SNTA1: variants seen among roughly 807,000 people sequenced by gnomAD.
SNTA1 encodes the protein alpha-1-syntrophin.
A neutral mutation model predicts 47.1 loss-of-function variants in SNTA1; 31 were observed. The observed-to-expected ratio is 0.66, with a 90% CI of 0.49 to 0.89. SNTA1 has a LOEUF of 0.89. Ranked by LOEUF, SNTA1 falls within the 40% of genes least tolerant of loss-of-function variation. The pLI, the probability that SNTA1 is intolerant of heterozygous loss-of-function variation, is 0.00. For synonymous variants in SNTA1, 300 were observed against 313.6 expected (o/e 0.96, Z 0.46); for missense variants, 575 against 693.0 (o/e 0.83, Z 1.91).
Position 33,420,972 on chromosome 20 carries a change from A to T in SNTA1, c.497-3049T>A, listed in dbSNP as rs1222792747. Among the ~76,000 whole-genome samples the T allele has an allele frequency of 4.6e-5, 7 of 151,382 alleles. No homozygotes were observed. In the East Asian group the frequency reaches 1.4e-3, roughly 29 times the overall value. On this transcript the variant is annotated intron_variant, in intron 2 of 7. Coordinates refer to ENST00000217381, the MANE Select transcript of SNTA1 (RefSeq NM_003098.3). The stretch of plus-strand genomic sequence containing the variant: ...GCACTCCAGCCTGAGGGACAGAGCA[A>T]GACCCCGTCTCAAAAAAAAAAAAGA...
chr20:33,439,541 G>A (rs966746814), intron 1 of SNTA1, among the ~76,000 whole-genome samples: 2 of 152,184 alleles, frequency 1.3e-5, no homozygotes, highest in African/African-American at 2.4e-5. Context: ...TAATGCTATA[G>A]TTTGATCCCT....
At position 33,412,354 on chromosome 20, in the gene SNTA1, G is replaced by A; in HGVS notation, c.982C>T (p.Pro328Ser). ...CGGCTCAGGGCCTCGCGGGTCTCGGGGAGAGACAAGTAGAGGAGCAGTTCC... is the reference window on the plus strand; with the variant it reads ...CGGCTCAGGGCCTCGCGGGTCTCGGAGAGAGACAAGTAGAGGAGCAGTTCC... Reference protein sequence around the residue: ...EKELLLYLSLPETREALSRPA... With the variant: ...EKELLLYLSLSETREALSRPA... The change falls in exon 5 of 8, where the codon CCC becomes TCC. Residue 328 changes from proline to serine, a missense_variant. Pro to Ser is a moderately conservative substitution (Grantham distance 74). Coordinates refer to ENST00000217381, the MANE Select transcript of SNTA1 (RefSeq NM_003098.3). 1 of 1,611,902 alleles carries A rather than the reference G, an allele frequency of 6.2e-7. No homozygotes were observed. Among genetic ancestry groups the A allele is most frequent in the Non-Finnish European group, 8.5e-7 (1 of 1,179,426 alleles).
intron 2 of SNTA1, among the ~76,000 whole-genome samples, chr20:33,422,427 A>G (rs918671034): frequency 1.4e-5 from 2 of 146,214 alleles, no homozygotes; most frequent in African/African-American, 5.2e-5. Flanking sequence ...CGACAGAGCA[A>G]GACTCTGTCT....
At chr20:33,422,298 G>C (rs1990050455) in intron 2 of SNTA1, among the ~76,000 whole-genome samples, 1 of 151,968 alleles carries the variant, frequency 6.6e-6, no homozygotes, top group Non-Finnish European at 1.5e-5. Context: ...AATTAGCCGG[G>C]CATGGTGGCG....
chr20:33,430,275 T>C (rs1990269368), intron 2 of SNTA1, among the ~76,000 whole-genome samples: 1 of 151,448 alleles, frequency 6.6e-6, no homozygotes, highest in Admixed American at 6.6e-5. Context: ...TGTTCATTTT[T>C]ATTACTTTTT....
At chr20:33,424,402 A>C (rs1381205891) in intron 2 of SNTA1, among the ~76,000 whole-genome samples, 1 of 151,686 alleles carries the variant, frequency 6.6e-6, no homozygotes, top group Non-Finnish European at 1.5e-5. Flanking sequence ...GGCCAGGCAC[A>C]GTGGCTCACA....
rs181474528 is a variant in SNTA1, at chr20:33,428,372, G to A, written c.497-10449C>T. ...TGCAGTGAGCAATGATTATGCCACT[G>A]CACTCCAACCTGGGCAACAGAGTGA... On this transcript the variant is annotated intron_variant, in intron 2 of 7. Coordinates refer to ENST00000217381, the MANE Select transcript of SNTA1 (RefSeq NM_003098.3). 5.9e-5 allele frequency among the ~76,000 whole-genome samples: 9 copies of A among 152,012 alleles called. No homozygotes were observed. The East Asian group carries it at 1.7e-3, about 29-fold the overall frequency.
rs766925398 is a variant in SNTA1, at chr20:33,443,334, C to G, written c.287G>C (p.Gly96Ala). ...ACCTTTGATGCTGATGCCCAGCCCA[C>G]CGGCGTCGGCCTTGCGCACCGTCAC... ...RRVTVRKADA[G>A]GLGISIKGGR... Residue 96 changes from glycine (G) to alanine (A), a missense_variant, in exon 1 of 8, where the codon GGT becomes GCT. Gly to Ala is a moderately conservative substitution (Grantham distance 60, BLOSUM62 0). Coordinates refer to ENST00000217381, the MANE Select transcript of SNTA1 (RefSeq NM_003098.3). 2.1e-4 allele frequency: 312 copies of G among 1,498,186 alleles called. No individual in the cohort carries two copies. Among genetic ancestry groups the G allele is most frequent in the Non-Finnish European group, 2.6e-4 (296 of 1,130,448 alleles). 92.8% of individuals were successfully genotyped at this position (1,498,186 alleles called of 1,614,324 possible). A position where few individuals can be genotyped will look rare whatever the true frequency, so the allele number is the denominator to read the frequency against.
intron 2 of SNTA1, among the ~76,000 whole-genome samples, chr20:33,424,751 C>G (rs1990122087): frequency 6.6e-6 from 1 of 151,302 alleles, no homozygotes; most frequent in African/African-American, 2.4e-5. Context: ...TGGGCTCAAG[C>G]AACCCACCCA....
At chr20:33,414,387 G>A (rs1388354476) in intron 3 of SNTA1, among the ~76,000 whole-genome samples, 1 of 151,862 alleles carries the variant, frequency 6.6e-6, no homozygotes, top group Non-Finnish European at 1.5e-5. Context: ...GAGGCCAGGA[G>A]TTCAAAACCA....
chr20:33,434,486 T>A (rs1990385758), intron 2 of SNTA1, among the ~76,000 whole-genome samples: 3 of 152,064 alleles, frequency 2.0e-5, no homozygotes. Flanking sequence ...ATAGGCAGGG[T>A]TCACCAAGGA....
In SNTA1 at chr20:33,408,702, A is replaced by G; in HGVS notation, c.1424T>C (p.Ile475Thr). 3.7e-6 allele frequency: 6 copies of G among 1,613,900 alleles called. No individual in the cohort carries two copies. The highest frequency in any genetic ancestry group is 5.1e-6 in the Non-Finnish European group (6 of 1,179,910). Residue 475 changes from isoleucine (I) to threonine (T), a missense_variant and splice_region_variant, in exon 7 of 8, where the codon ATC becomes ACC. By Grantham distance (89) the Ile-to-Thr change is moderately conservative. Coordinates refer to ENST00000217381, the MANE Select transcript of SNTA1 (RefSeq NM_003098.3). ...GTGCAGAGGCAGCCCCTCACTCACG[A>G]TCTCGCCTTCAGCACCTCCAAAATC... is the stretch of plus-strand genomic sequence containing the variant. ...FLDFGGAEGE[I>T]QLDLHSCPKT...
At chr20:33,426,451 C>CAA (rs768700017) in intron 2 of SNTA1, among the ~76,000 whole-genome samples, 3 of 78,414 alleles carry the variant, frequency 3.8e-5, no homozygotes, top group African/African-American at 5.1e-5. Flanking sequence ...ACTCCTTCTC[C>CAA]AAAAAAAAAA....
In SNTA1 at chr20:33,410,168, G is replaced by T. The variant is rs373387978; in HGVS notation, c.1204C>A (p.Arg402=). The T allele has an allele frequency of 6.2e-7, 1 of 1,614,186 alleles. No homozygotes were observed. Among genetic ancestry groups the T allele is most frequent in the South Asian group, 1.1e-5 (1 of 91,082 alleles). Residue 402 remains arginine, a synonymous_variant, in exon 6 of 8, where the codon CGG becomes AGG. Coordinates refer to ENST00000217381, the MANE Select transcript of SNTA1 (RefSeq NM_003098.3). ...ACCTCCTGCACACCCTCGGCGGCCC[G>T]GTGACAGCCATCCACAAGCTGGCGG... ...WTRQLVDGCH[R]AAEGVQEVST...
intron 1 of SNTA1, 108 bp downstream of exon 1, chr20:33,443,203 C>A: frequency 1.2e-6 from 1 of 852,572 alleles, no homozygotes; most frequent in Non-Finnish European, 1.7e-6. Flanking sequence ...CCCCCTTACC[C>A]CCAGACAGGA....
chr20:33,434,269 C>T (rs1188818305), intron 2 of SNTA1, among the ~76,000 whole-genome samples: 1 of 152,150 alleles, frequency 6.6e-6, no homozygotes, highest in Non-Finnish European at 1.5e-5. Flanking sequence ...TCCTCCTATC[C>T]TTCAGACCTC....
intron 2 of SNTA1, among the ~76,000 whole-genome samples, chr20:33,427,970 A>G (rs1461035767): frequency 6.6e-6 from 1 of 151,904 alleles, no homozygotes; most frequent in Non-Finnish European, 1.5e-5. Flanking sequence ...GCTGGAGTGC[A>G]GTGGCTGTTC....
rs560674623 is a variant in SNTA1 at position 33,438,136 on chromosome 20, A to G, written c.496+705T>C. Among the ~76,000 whole-genome samples the G allele has an allele frequency of 2.6e-5, 4 of 152,254 alleles. No individual in the cohort carries two copies. The East Asian group carries it at 7.7e-4, about 29-fold the overall frequency. ...GCCAACATGGCAAAACCCTGTCTCT[A>G]CAAAAATATAAAAATTAGCTGGGCA... is the stretch of plus-strand genomic sequence containing the variant. On this transcript the variant is annotated intron_variant, in intron 2 of 7. Coordinates refer to ENST00000217381, the MANE Select transcript of SNTA1 (RefSeq NM_003098.3).
chr20:33,442,214 C>T (rs998642992), intron 1 of SNTA1, among the ~76,000 whole-genome samples: 13 of 152,164 alleles, frequency 8.5e-5, no homozygotes, highest in African/African-American at 3.1e-4. Flanking sequence ...ACCTGGCACA[C>T]AGTGGTGGCA....
Sources: gnomAD v4.1 joint callset for allele counts (sites outside exome capture counted in the v4.1 genomes callset) on GRCh38, gnomAD v4.1.1 for gene constraint, MANE v1.5 for transcripts, NCBI Gene and HGNC (gene_info 2026-07-23, HGNC 2026-07-21) for gene names.